HAUS5: variants seen among roughly 807,000 people sequenced by gnomAD.
The protein encoded by HAUS5 is HAUS augmin-like complex subunit 5.
HAUS5 carries 67 observed loss-of-function variants against 94.1 expected under a neutral mutation model. That is an observed-to-expected ratio of 0.71 (90% CI 0.58 to 0.87). The LOEUF (loss-of-function observed/expected upper bound fraction) is 0.87, where lower values mean the gene tolerates loss of function less well. HAUS5 is among the 40% of genes least tolerant of loss of function. HAUS5 has a pLI of 0.00. For synonymous variants in HAUS5, 339 were observed against 355.4 expected (o/e 0.95, Z 0.52); for missense variants, 739 against 825.6 (o/e 0.90, Z 1.29).
rs990751998 is a variant in HAUS5 at position 35,612,744 on chromosome 19, C to A, written c.-51C>A. 1.6e-5 allele frequency: 22 copies of A among 1,343,012 alleles called. No homozygotes were observed. Among genetic ancestry groups the A allele is most frequent in the East Asian group, 2.7e-5 (1 of 36,754 alleles). 83.2% of individuals were successfully genotyped at this position (1,343,012 alleles called of 1,614,324 possible). A position where few individuals can be genotyped will look rare whatever the true frequency, so the allele number is the denominator to read the frequency against. The stretch of plus-strand genomic sequence containing the variant: ...GCGCGCCCGTGACGTCAGAGGCGGG[C>A]GCCACACTTGAAGAGGCTGAGGGAG... On this transcript the variant is annotated 5_prime_UTR_variant, in exon 1 of 19. Transcript: ENST00000203166.
Position 35,614,063 on chromosome 19 carries a change from A to G in HAUS5, c.219+4A>G. 1.2e-6 allele frequency: 2 copies of G among 1,613,174 alleles called. No homozygotes were observed. Among genetic ancestry groups the G allele is most frequent in the Non-Finnish European group, 1.7e-6 (2 of 1,179,126 alleles). ...TGGCCACCAGGACAGTCCACAGGTG[A>G]GAAGCATATGCTACAAGATTCTCTT... On this transcript the variant is annotated splice_donor_region_variant and intron_variant, in intron 4 of 18. Transcript: ENST00000203166.
rs979644538 is a variant in HAUS5 at position 35,619,024 on chromosome 19, G to A, written c.1154G>A (p.Arg385Gln). 1.4e-5 allele frequency: 22 copies of A among 1,605,912 alleles called. No individual in the cohort carries two copies. The highest frequency in any genetic ancestry group is 3.4e-5 in the Admixed American group (2 of 58,460). Residue 385 changes from arginine to glutamine, a missense_variant, in exon 13 of 19, where the codon CGG (arginine) becomes CAG (glutamine). Physicochemically the swap from Arg to Gln is conservative, Grantham distance 43. Coordinates refer to ENST00000203166, the MANE Select transcript of HAUS5 (RefSeq NM_015302.2). ...LLRELQAKQQRILHWRQLVEE... is the reference protein window; with the variant it reads ...LLRELQAKQQQILHWRQLVEE... ...AGGGAGCTACAGGCCAAACAGCAGC[G>A]GATCCTGCACTGGCGCCAGCTGGTG...
chr19:35,619,734 C>A lies in HAUS5; in HGVS notation c.1382C>A (p.Thr461Lys), dbSNP rs368308747. The change falls in exon 15 of 19, where the codon ACG becomes AAG. Residue 461 changes from threonine (T) to lysine (K), a missense_variant. Transcript: ENST00000203166. ...VRHLPHILLG[T>K]LLRHRPGELK... ...CATTTGCCCCACATTCTGTTGGGCACGCTGCTGCGGCACAGGCCGGGAGAG... is the reference window on the plus strand; with the variant it reads ...CATTTGCCCCACATTCTGTTGGGCAAGCTGCTGCGGCACAGGCCGGGAGAG... 2 of 1,561,636 alleles carry A rather than the reference C, an allele frequency of 1.3e-6. No individual in the cohort carries two copies. The highest frequency in any genetic ancestry group is 2.4e-5 in the East Asian group (1 of 42,162).
chr19:35,617,095 C>G, intron 6 of HAUS5, 29 bp from the exon 7 acceptor site: 1 of 1,598,354 alleles, frequency 6.3e-7, no homozygotes, highest in Non-Finnish European at 8.6e-7. Flanking sequence ...TCCCAGGGAC[C>G]CCAGCCCCAG....
Position 35,620,073 on chromosome 19 carries a change from G to A in HAUS5, c.1468G>A (p.Gly490Ser), listed in dbSNP as rs754754822. 1.9e-6 allele frequency: 3 copies of A among 1,613,878 alleles called. No individual in the cohort carries two copies. The highest frequency in any genetic ancestry group is 2.5e-6 in the Non-Finnish European group (3 of 1,179,940). ...IHQLHPASPR[G>S]SSFIALSHKL... ...CCAGCTGCACCCCGCGTCCCCAAGGGGCTCCAGCTTCATAGCGCTGAGCCA... is the reference window on the plus strand; with the variant it reads ...CCAGCTGCACCCCGCGTCCCCAAGGAGCTCCAGCTTCATAGCGCTGAGCCA... The change falls in exon 16 of 19, where the codon GGC becomes AGC. Residue 490 changes from glycine (G) to serine (S), a missense_variant. Gly to Ser is a moderately conservative substitution (Grantham distance 56, BLOSUM62 0). Coordinates refer to ENST00000203166, the MANE Select transcript of HAUS5 (RefSeq NM_015302.2).
In HAUS5 at chr19:35,618,655, C is replaced by T. The variant is rs769240587; in HGVS notation, c.972C>T (p.Gly324=). The T allele has an allele frequency of 6.2e-7, 1 of 1,606,066 alleles. No individual in the cohort carries two copies. Among genetic ancestry groups the T allele is most frequent in the South Asian group, 1.1e-5 (1 of 90,698 alleles). The change falls in exon 12 of 19, where the codon GGC becomes GGT. Residue 324 remains glycine (G), a synonymous_variant. Transcript: ENST00000203166. ...ERQVLTQRLQ[G]LVEEVERRVL... ...AAGTCTTGACCCAGCGCCTCCAGGG[C>T]CTGGTGGAGGAGGTGGAGAGACGCG...
Position 35,619,414 on chromosome 19 carries a change from G to A in HAUS5, c.1180-10G>A, listed in dbSNP as rs199508050. 1 of 1,573,910 alleles carries A rather than the reference G, an allele frequency of 6.4e-7. No individual in the cohort carries two copies. The highest frequency in any genetic ancestry group is 8.6e-7 in the Non-Finnish European group (1 of 1,156,442). ...GGAGGAGTGGGTCTCAGGGTATCCT[G>A]GTTCCTCAGGAGGAGACCCAGGAAC... On this transcript the variant is annotated splice_polypyrimidine_tract_variant and intron_variant, in intron 13 of 18. Coordinates refer to ENST00000203166, the MANE Select transcript of HAUS5 (RefSeq NM_015302.2).
chr19:35,619,605 C>CGA lies in HAUS5; in HGVS notation c.1261-8_1261-7insGA. On this transcript the variant is annotated splice_region_variant and splice_polypyrimidine_tract_variant and intron_variant, in intron 14 of 18. Transcript: ENST00000203166. ...TGATGCCCCACCCACCCCTCCCCTTCCCCACAGGTGCTAGCTCTGGTCCAG... is the reference window on the plus strand; with the variant it reads ...TGATGCCCCACCCACCCCTCCCCTTCGACCCACAGGTGCTAGCTCTGGTCCAG... 1.3e-6 allele frequency: 1 copy of CGA among 768,964 alleles called. No homozygotes were observed. Among genetic ancestry groups the CGA allele is most frequent in the Non-Finnish European group, 2.0e-6 (1 of 489,570 alleles). 47.6% of individuals were successfully genotyped at this position (768,964 alleles called of 1,614,324 possible). A position where few individuals can be genotyped will look rare whatever the true frequency, so the allele number is the denominator to read the frequency against.
intron 17 of HAUS5, 98 bp from the exon 18 acceptor site, chr19:35,622,503 A>AG: frequency 7.9e-7 from 1 of 1,262,702 alleles, no homozygotes; most frequent in Admixed American, 2.1e-5. Context: ...GGAGCTGCTG[A>AG]GGTCAAGACT....
rs1164695735 is a variant in HAUS5 at position 35,618,581 on chromosome 19, A to G, written c.898A>G (p.Thr300Ala). 2 of 1,604,634 alleles carry G rather than the reference A, an allele frequency of 1.2e-6. No individual in the cohort carries two copies. The highest frequency in any genetic ancestry group is 1.7e-5 in the Admixed American group (1 of 59,692). ...ACCCCGCTTGCAGGAGGGCTGGCGG[A>G]CTGTGGGTGTGCTGGTCTCCCAGCG... is the stretch of plus-strand genomic sequence containing the variant. ...MVHLIQEGWR[T>A]VGVLVSQRST... The change falls in exon 12 of 19, where the codon ACT becomes GCT. Residue 300 changes from threonine to alanine, a missense_variant. Transcript: ENST00000203166.
chr19:35,618,604 G>A lies in HAUS5; in HGVS notation c.921G>A (p.Gln307=), dbSNP rs1030785221. The change falls in exon 12 of 19, where the codon CAG becomes CAA. Residue 307 remains glutamine, a synonymous_variant. Transcript: ENST00000203166. The part of the protein sequence containing the change: ...GWRTVGVLVS[Q]RSTLLKERQV... ...GGACTGTGGGTGTGCTGGTCTCCCAGCGGAGCACCCTCCTGAAGGAGCGGC... is the reference window on the plus strand; with the variant it reads ...GGACTGTGGGTGTGCTGGTCTCCCAACGGAGCACCCTCCTGAAGGAGCGGC... 1.1e-5 allele frequency: 17 copies of A among 1,606,622 alleles called. No homozygotes were observed. In the South Asian group the frequency reaches 1.3e-4, roughly 13 times the overall value.
At chr19:35,618,256 C>A in intron 10 of HAUS5, 61 bp downstream of exon 10, 1 of 1,598,478 alleles carries the variant, frequency 6.3e-7, no homozygotes, top group Non-Finnish European at 8.5e-7. Flanking sequence ...GCTGGGACAG[C>A]CTCAGGACCC....
intron 6 of HAUS5, among the ~76,000 whole-genome samples, chr19:35,616,718 A>G (rs1369195992): frequency 6.6e-6 from 1 of 152,090 alleles, no homozygotes; most frequent in Admixed American, 6.6e-5. Flanking sequence ...GGGTTTCACC[A>G]TGTTGTCCAG....
At chr19:35,622,771 G>T (rs199864412) in intron 18 of HAUS5, 38 bp downstream of exon 18, 13 of 1,613,646 alleles carry the variant, frequency 8.1e-6, no homozygotes, top group South Asian at 1.1e-5. Flanking sequence ...AAACAGAAAA[G>T]TCAGGACTCA....
chr19:35,616,110 A>T (rs1182825595), intron 6 of HAUS5, among the ~76,000 whole-genome samples: 1 of 152,072 alleles, frequency 6.6e-6, no homozygotes, highest in Non-Finnish European at 1.5e-5. Context: ...TGAGGTCAGG[A>T]GTTCGAAACC....
chr19:35,616,695 TTTAG>T (rs2071946285), intron 6 of HAUS5, among the ~76,000 whole-genome samples: 1 of 152,108 alleles, frequency 6.6e-6, no homozygotes, highest in Non-Finnish European at 1.5e-5. Flanking sequence ...TTTTTGTATT[TTTAG>T]TAGAGACGGG....
chr19:35,619,720 C>T lies in HAUS5; in HGVS notation c.1368C>T (p.His456=). 1.3e-6 allele frequency: 2 copies of T among 1,567,904 alleles called. No homozygotes were observed. The highest frequency in any genetic ancestry group is 2.7e-5 in the African/African-American group (2 of 74,032). ...CLEEEVRHLP[H]ILLGTLLRHR... ...AGGAGGAAGTCCGGCATTTGCCCCACATTCTGTTGGGCACGCTGCTGCGGC... is the reference window on the plus strand; with the variant it reads ...AGGAGGAAGTCCGGCATTTGCCCCATATTCTGTTGGGCACGCTGCTGCGGC... Residue 456 remains histidine, a synonymous_variant, in exon 15 of 19, where the codon CAC becomes CAT. Coordinates refer to ENST00000203166, the MANE Select transcript of HAUS5 (RefSeq NM_015302.2).
rs1017042550 is a variant in HAUS5 at position 35,621,445 on chromosome 19, C to T, written c.1651+1118C>T. On this transcript the variant is annotated intron_variant, in intron 17 of 18. Coordinates refer to ENST00000203166, the MANE Select transcript of HAUS5 (RefSeq NM_015302.2). Reference sequence around the variant, plus strand: ...GCAGCCTCAACCTCCTGGGCTCAAGCCATCCTCCTGCCTCAGCCTCCCGAG... The same window carrying T: ...GCAGCCTCAACCTCCTGGGCTCAAGTCATCCTCCTGCCTCAGCCTCCCGAG... Among the ~76,000 whole-genome samples the T allele has an allele frequency of 3.9e-5, 6 of 152,138 alleles. No homozygotes were observed. In the East Asian group the frequency reaches 1.2e-3, roughly 29 times the overall value.
rs2071916204 is a variant in HAUS5, at chr19:35,613,783, A to G, written c.152A>G (p.His51Arg). The G allele has an allele frequency of 2.5e-6, 4 of 1,614,160 alleles. No individual in the cohort carries two copies. The highest frequency in any genetic ancestry group is 3.4e-6 in the Non-Finnish European group (4 of 1,180,028). ...TGGGCCTACATCTTGCAGCATGTGC[A>G]CAGTCAGAGGTAAGCTGGGCTAGAG... ...DIWAYILQHV[H>R]SQRTVKKIRG... The change falls in exon 2 of 19, where the codon CAC (histidine) becomes CGC (arginine). Residue 51 changes from histidine to arginine, a missense_variant. Coordinates refer to ENST00000203166, the MANE Select transcript of HAUS5 (RefSeq NM_015302.2).
Sources: gnomAD v4.1 joint callset for allele counts (sites outside exome capture counted in the v4.1 genomes callset) on GRCh38, gnomAD v4.1.1 for gene constraint, MANE v1.5 for transcripts, NCBI Gene and HGNC (gene_info 2026-07-23, HGNC 2026-07-21) for gene names.